NXN: variants seen among roughly 807,000 people sequenced by gnomAD.
NXN encodes the protein nucleoredoxin, also known as nucleoredoxin 1.
In NXN, 16 loss-of-function variants were observed where a neutral mutation model predicts 48.6. The observed-to-expected ratio is 0.33, with a 90% confidence interval of 0.22 to 0.50. The LOEUF (loss-of-function observed/expected upper bound fraction) is 0.50, where lower values mean the gene tolerates loss of function less well. NXN is among the 20% of genes least tolerant of loss of function. NXN has a pLI of 0.98. For missense variants in NXN, 492 were observed against 605.5 expected (o/e 0.81, Z 1.97); for synonymous variants, 281 against 269.6 (o/e 1.04, Z -0.41).
intron 1 of NXN, among the ~76,000 whole-genome samples, chr17:870,275 A>C (rs545464758): frequency 2.0e-4 from 31 of 152,304 alleles, no homozygotes; most frequent in Admixed American, 1.2e-3. Flanking sequence ...TAGAGAAGCA[A>C]AGGGAAAGTT....
chr17:937,477 G>A (rs371121994), intron 1 of NXN, among the ~76,000 whole-genome samples: 3 of 152,266 alleles, frequency 2.0e-5, no homozygotes, highest in East Asian at 3.9e-4. Context: ...GGCAGCTTCA[G>A]GGAAAACAGG....
intron 1 of NXN, among the ~76,000 whole-genome samples, chr17:912,917 G>A (rs2068650785): frequency 6.6e-6 from 1 of 151,964 alleles, no homozygotes; most frequent in Non-Finnish European, 1.5e-5. Flanking sequence ...TTGCACCACC[G>A]CACTCCAGCC....
At chr17:853,174 G>A (rs766750110) in intron 1 of NXN, among the ~76,000 whole-genome samples, 2 of 152,042 alleles carry the variant, frequency 1.3e-5, no homozygotes, top group African/African-American at 4.8e-5. Flanking sequence ...ATTCCCAGCC[G>A]GGCACGGTGG....
intron 1 of NXN, among the ~76,000 whole-genome samples, chr17:866,864 C>T (rs2068100214): frequency 6.6e-6 from 1 of 152,250 alleles, no homozygotes; most frequent in Non-Finnish European, 1.5e-5. Context: ...GCAAGGCCAA[C>T]ATTCAAATAC....
rs961630190 is a variant in NXN, at chr17:974,819, T to G, written c.360+4500A>C. Reference sequence around the variant, plus strand: ...ATTGCTCTTATTACTTTATTTTTATTTATTTATTTATTTATTTATTTATTT... The same window carrying G: ...ATTGCTCTTATTACTTTATTTTTATGTATTTATTTATTTATTTATTTATTT... On this transcript the variant is annotated intron_variant, in intron 1 of 7. Transcript: ENST00000336868. Among the ~76,000 whole-genome samples, 297 of 151,672 alleles carry G rather than the reference T, an allele frequency of 2.0e-3. 1 individual carries two copies. Among genetic ancestry groups the G allele is most frequent in the African/African-American group, 6.9e-3 (286 of 41,322 alleles).
chr17:841,625 G>C (rs1238880829), intron 1 of NXN, among the ~76,000 whole-genome samples: 46 of 86,196 alleles, frequency 5.3e-4, no homozygotes, highest in African/African-American at 1.0e-3. Context: ...ATCTCACACG[G>C]GCAAGCAGGT....
chr17:831,667 T>C (rs1169136528), intron 1 of NXN, among the ~76,000 whole-genome samples: 8 of 151,784 alleles, frequency 5.3e-5, no homozygotes, highest in Non-Finnish European at 1.2e-4. Flanking sequence ...ACCTGGCTAA[T>C]TTTTGTATTT....
At chr17:961,047 GT>G (rs1189606431) in intron 1 of NXN, among the ~76,000 whole-genome samples, 1 of 151,542 alleles carries the variant, frequency 6.6e-6, no homozygotes, top group African/African-American at 2.4e-5. Flanking sequence ...GCCTCCCAAA[GT>G]GCTGGGATTA....
At chr17:943,223 A>T (rs1406566466) in intron 1 of NXN, among the ~76,000 whole-genome samples, 1 of 152,214 alleles carries the variant, frequency 6.6e-6, no homozygotes, top group African/African-American at 2.4e-5. Flanking sequence ...TGTGAACTTT[A>T]AATCTGTCAA....
rs943886245 is a variant in NXN at position 849,688 on chromosome 17, T to C, written c.361-23610A>G. ...TCCCTTTACCTCCGCAGACAAGCAA[T>C]CATCATTTCCTAAACGTGGCAGGAT... On this transcript the variant is annotated intron_variant, in intron 1 of 7. Transcript: ENST00000336868. The surrounding 1 kb of genome is among the most constrained non-coding windows in gnomAD (Gnocchi z 4.2). Among the ~76,000 whole-genome samples, 1 of 152,094 alleles carries C rather than the reference T, an allele frequency of 6.6e-6. No homozygotes were observed. Among genetic ancestry groups the C allele is most frequent in the Non-Finnish European group, 1.5e-5 (1 of 68,022 alleles).
At chr17:939,511 A>T (rs2068945881) in intron 1 of NXN, among the ~76,000 whole-genome samples, 1 of 151,964 alleles carries the variant, frequency 6.6e-6, no homozygotes. Context: ...ACGCCTAATT[A>T]ATTCCTATAT....
chr17:901,428 C>T (rs2068536799), intron 1 of NXN, among the ~76,000 whole-genome samples: 1 of 152,168 alleles, frequency 6.6e-6, no homozygotes. Flanking sequence ...AAACAGCAGA[C>T]CTGGTCCAAC....
chr17:822,600 G>C, intron 3 of NXN, 143 bp from the exon 4 acceptor site: 1 of 612,020 alleles, frequency 1.6e-6, no homozygotes. Context: ...AATGAGATGG[G>C]TATGGTGGCT....
intron 1 of NXN, among the ~76,000 whole-genome samples, chr17:952,608 G>A (rs371444992): frequency 0.04 from 906 of 22,802 alleles, no homozygotes; most frequent in South Asian, 0.093. Flanking sequence ...CAGGTACCAC[G>A]GACGGTCACA....
chr17:821,683 G>A (rs1912824928), intron 4 of NXN, among the ~76,000 whole-genome samples: 1 of 113,514 alleles, frequency 8.8e-6, no homozygotes, highest in Non-Finnish European at 1.8e-5. Flanking sequence ...CCCGGGAGGT[G>A]GAGCTTGCAG....
chr17:859,258 G>T (rs747100144), intron 1 of NXN, among the ~76,000 whole-genome samples: 8 of 152,158 alleles, frequency 5.3e-5, no homozygotes, highest in Non-Finnish European at 1.2e-4. Context: ...CACGCTGACC[G>T]ATAGTTCAAA....
Position 805,260 on chromosome 17 carries a change from G to A in NXN, c.821-13C>T. ...AGCGTGGGGATGCCTGCAGGGAAGA[G>A]GGGGTGCTTGGCCGCTGGCCCGGGA... On this transcript the variant is annotated splice_polypyrimidine_tract_variant and intron_variant, in intron 5 of 7. Coordinates refer to ENST00000336868, the MANE Select transcript of NXN (RefSeq NM_022463.5). The A allele has an allele frequency of 6.3e-7, 1 of 1,599,814 alleles. No homozygotes were observed. Among genetic ancestry groups the A allele is most frequent in the Non-Finnish European group, 8.5e-7 (1 of 1,171,966 alleles).
At chr17:962,603 T>G (rs1460045495) in intron 1 of NXN, among the ~76,000 whole-genome samples, 1 of 152,198 alleles carries the variant, frequency 6.6e-6, no homozygotes, top group Non-Finnish European at 1.5e-5. Flanking sequence ...TTTATCTATT[T>G]CATAACTTTG....
chr17:806,901 C>T (rs796925183), intron 5 of NXN, among the ~76,000 whole-genome samples: 11 of 150,760 alleles, frequency 7.3e-5, no homozygotes, highest in Admixed American at 2.7e-4. Context: ...ACAGCCACTC[C>T]GACATCACAC....
Sources: gnomAD v4.1 joint callset for allele counts (sites outside exome capture counted in the v4.1 genomes callset) on GRCh38, gnomAD v4.1.1 for gene constraint, Gnocchi (gnomAD v3.1) non-coding constraint, MANE v1.5 for transcripts, NCBI Gene and HGNC (gene_info 2026-07-23, HGNC 2026-07-21) for gene names.